The following KCNMB2 variants were observed in gnomAD, a reference collection of about 807,000 sequenced individuals.
KCNMB2 encodes calcium-activated potassium channel subunit beta-2.
Under a neutral mutation model 24.5 loss-of-function variants are expected in KCNMB2, and 9 were observed. That is an observed-to-expected ratio of 0.37 (90% confidence interval 0.22 to 0.64). The LOEUF is 0.64. KCNMB2 is among the 30% of genes least tolerant of loss of function. KCNMB2 has a pLI of 0.63. For synonymous variants in KCNMB2, 109 were observed against 104.4 expected, an observed-to-expected ratio of 1.04 and a Z score of -0.27; for missense variants, 226 against 284.3, an observed-to-expected ratio of 0.79 and a Z score of 1.47.
intron 1 of KCNMB2, among the ~76,000 whole-genome samples, chr3:178,633,472 G>T (rs542712774): frequency 1.3e-5 from 2 of 152,232 alleles, no homozygotes; most frequent in African/African-American, 4.8e-5. Flanking sequence ...ACCTGCCAAG[G>T]CTTGGGGCTC....
chr3:178,660,594 C>G (rs984249519), intron 1 of KCNMB2, among the ~76,000 whole-genome samples: 1 of 152,164 alleles, frequency 6.6e-6, no homozygotes, highest in African/African-American at 2.4e-5. Context: ...ATTTTATTAT[C>G]TACTCTGTGG....
intron 1 of KCNMB2, chr3:178,748,451 T>C (rs546527308): frequency 6.6e-5 from 10 of 152,280 alleles, no homozygotes; most frequent in African/African-American, 2.2e-4. Flanking sequence ...CACTGGAGTG[T>C]TGGAGAAAAG....
chr3:178,726,752 C>G (rs1344262876), intron 1 of KCNMB2, among the ~76,000 whole-genome samples: 2 of 151,922 alleles, frequency 1.3e-5, no homozygotes, highest in Non-Finnish European at 2.9e-5. Context: ...CTGAAGATTT[C>G]AAAGTAGAAA....
chr3:178,596,297 G>C lies in KCNMB2; in HGVS notation c.-68+59586G>C, dbSNP rs115527052. On this transcript the variant is annotated intron_variant, in intron 1 of 4. Coordinates refer to ENST00000452583, the MANE Select transcript of KCNMB2 (RefSeq NM_181361.3). ...GTTCAGAATAAGAACATATATCATT[G>C]ATTTTATACTTTTATATACACTTGG... is the stretch of plus-strand genomic sequence containing the variant. Among the ~76,000 whole-genome samples the C allele has an allele frequency of 5.1e-3, 781 of 152,074 alleles. 8 individuals carry two copies. Among genetic ancestry groups the C allele is most frequent in the African/African-American group, 0.018 (746 of 41,460 alleles).
At position 178,752,771 on chromosome 3, in the gene KCNMB2, G is replaced by A. The variant is rs529035277; in HGVS notation, c.-67-54572G>A. 2.0e-5 allele frequency among the ~76,000 whole-genome samples: 3 copies of A among 152,304 alleles called. No individual in the cohort carries two copies. In the East Asian group the frequency reaches 5.8e-4, roughly 29 times the overall value. On this transcript the variant is annotated intron_variant, in intron 1 of 4. Coordinates refer to ENST00000452583, the MANE Select transcript of KCNMB2 (RefSeq NM_181361.3). ...CAGGATTTAGCCACCAACTGAAGGA[G>A]AGTAGAAATTAAAGATGACACGATA...
chr3:178,796,654 C>A (rs1016590640), intron 1 of KCNMB2, among the ~76,000 whole-genome samples: 3 of 151,904 alleles, frequency 2.0e-5, no homozygotes, highest in African/African-American at 7.3e-5. Context: ...CCTGAATGAC[C>A]AATGGGTCAA....
At chr3:178,765,090 G>C (rs911190419) in intron 1 of KCNMB2, among the ~76,000 whole-genome samples, 1 of 152,204 alleles carries the variant, frequency 6.6e-6, no homozygotes, top group African/African-American at 2.4e-5. Context: ...ACACATCCAA[G>C]CTAAATTGTA....
intron 1 of KCNMB2, among the ~76,000 whole-genome samples, chr3:178,761,341 C>T (rs1711867285): frequency 6.6e-6 from 1 of 152,038 alleles, no homozygotes; most frequent in African/African-American, 2.4e-5. Flanking sequence ...AATAGAAATC[C>T]AATATTATTT....
chr3:178,559,500 C>T (rs1246346940), intron 1 of KCNMB2, among the ~76,000 whole-genome samples: 1 of 151,586 alleles, frequency 6.6e-6, no homozygotes, highest in East Asian at 1.9e-4. Context: ...ATATAAGCAT[C>T]TAGATGACTC....
At chr3:178,820,531 G>C (rs1190932995) in intron 2 of KCNMB2, 3 of 153,134 alleles carry the variant, frequency 2.0e-5, no homozygotes, top group Non-Finnish European at 2.9e-5. Flanking sequence ...AAGGGAATCT[G>C]AATTTAAATG....
At chr3:178,733,187 A>AGAGTT (rs1253034115) in intron 1 of KCNMB2, among the ~76,000 whole-genome samples, 3 of 152,208 alleles carry the variant, frequency 2.0e-5, no homozygotes, top group African/African-American at 7.2e-5. Flanking sequence ...AAGAGGTAAG[A>AGAGTT]GAGTTGGCCA....
intron 1 of KCNMB2, among the ~76,000 whole-genome samples, chr3:178,557,505 C>T (rs1048803295): frequency 2.6e-5 from 4 of 152,058 alleles, no homozygotes; most frequent in Non-Finnish European, 2.9e-5. Flanking sequence ...TAAAGCATTC[C>T]GAATAACTAT....
At chr3:178,603,402 C>T (rs758618195) in intron 1 of KCNMB2, among the ~76,000 whole-genome samples, 1 of 151,106 alleles carries the variant, frequency 6.6e-6, no homozygotes, top group Non-Finnish European at 1.5e-5. Context: ...CCAGAGAGAA[C>T]ATGTAGATAA....
chr3:178,802,576 AGGTT>A (rs1369519575), intron 1 of KCNMB2, among the ~76,000 whole-genome samples: 1 of 152,140 alleles, frequency 6.6e-6, no homozygotes, highest in Non-Finnish European at 1.5e-5. Context: ...AGAACCTGAG[AGGTT>A]ATAGTCATGT....
At chr3:178,614,247 T>TTATATATATATATATATA (rs776751246) in intron 1 of KCNMB2, among the ~76,000 whole-genome samples, 33 of 53,458 alleles carry the variant, frequency 6.2e-4, no homozygotes, top group East Asian at 1.2e-3. Flanking sequence ...TGGGCTAATT[T>TTATATATATATATATATA]TATATATATA....
At chr3:178,689,486 G>A (rs1484766928) in intron 1 of KCNMB2, among the ~76,000 whole-genome samples, 3 of 151,808 alleles carry the variant, frequency 2.0e-5, no homozygotes, top group Non-Finnish European at 4.4e-5. Context: ...ATACAAAAAA[G>A]TTAGCTGGGC....
chr3:178,593,018 A>G (rs1007198714), intron 1 of KCNMB2, among the ~76,000 whole-genome samples: 8 of 152,028 alleles, frequency 5.3e-5, no homozygotes, highest in African/African-American at 1.9e-4. Context: ...TTTTTAAAAA[A>G]TAAAGTACGA....
At position 178,842,808 on chromosome 3, in the gene KCNMB2, C is replaced by T. The variant is rs1715474054; in HGVS notation, c.579C>T (p.Ser193=). 2 of 1,613,874 alleles carry T rather than the reference C, an allele frequency of 1.2e-6. No individual in the cohort carries two copies. Among genetic ancestry groups the T allele is most frequent in the Admixed American group, 3.3e-5 (2 of 59,984 alleles). The change falls in exon 5 of 5, where the codon TCC becomes TCT. Residue 193 remains serine (S), a synonymous_variant. Transcript: ENST00000452583. ...TTATCCTAACAAAACTCTACAGTTC[C>T]AACGTGCTGTTCCATTCACTCTTCT... ...KSVILTKLYS[S]NVLFHSLFWP... is the part of the protein sequence containing the mutation.
At chr3:178,609,214 G>C (rs1232967961) in intron 1 of KCNMB2, among the ~76,000 whole-genome samples, 1 of 152,114 alleles carries the variant, frequency 6.6e-6, no homozygotes, top group Non-Finnish European at 1.5e-5. Flanking sequence ...TGTCATTATA[G>C]TTTTGCATTT....
Sources: allele counts gnomAD v4.1 joint callset (sites outside exome capture counted in the v4.1 genomes callset), GRCh38; gene constraint gnomAD v4.1.1; transcripts MANE v1.5; gene names NCBI Gene and HGNC (gene_info 2026-07-23, HGNC 2026-07-21).